SECISBP2L: variants seen among roughly 807,000 people sequenced by gnomAD.
SECISBP2L encodes selenocysteine insertion sequence-binding protein 2-like.
A neutral mutation model predicts 114.7 loss-of-function variants in SECISBP2L; 43 were observed. That is an observed-to-expected ratio of 0.38 (90% CI 0.29 to 0.48). The LOEUF (loss-of-function observed/expected upper bound fraction) is 0.48, where lower values mean the gene tolerates loss of function less well. Ranked by LOEUF, SECISBP2L falls within the 20% of genes least tolerant of loss-of-function variation. The pLI, the probability that SECISBP2L is intolerant of heterozygous loss-of-function variation, is 0.98. For synonymous variants in SECISBP2L, 451 were observed against 439.7 expected, an observed-to-expected ratio of 1.03 and a Z score of -0.32; for missense variants, 1,136 against 1,301.1, an observed-to-expected ratio of 0.87 and a Z score of 1.95.
intron 2 of SECISBP2L, among the ~76,000 whole-genome samples, chr15:49,036,190 C>T (rs2141085237): frequency 6.6e-6 from 1 of 152,308 alleles, no homozygotes; most frequent in African/African-American, 2.4e-5. Flanking sequence ...TCCTGGCTCC[C>T]CTCCTGGCAA....
intron 14 of SECISBP2L, among the ~76,000 whole-genome samples, chr15:49,001,398 C>A (rs559108370): frequency 1.3e-5 from 2 of 151,974 alleles, no homozygotes; most frequent in East Asian, 3.9e-4. Context: ...AAGGCACATA[C>A]TAAACACTCA....
At chr15:49,044,977 G>A (rs1055325664) in intron 1 of SECISBP2L, among the ~76,000 whole-genome samples, 7 of 152,128 alleles carry the variant, frequency 4.6e-5, no homozygotes, top group Non-Finnish European at 1.0e-4. Context: ...GTCAGGCTTT[G>A]AAATCTCAGG....
chr15:49,010,333 T>C (rs1252141761), intron 13 of SECISBP2L, among the ~76,000 whole-genome samples: 1 of 152,140 alleles, frequency 6.6e-6, no homozygotes, highest in Non-Finnish European at 1.5e-5. Flanking sequence ...CTCTCTCTTA[T>C]TTGGTCTTTG....
At chr15:49,003,442 C>G (rs1207142827) in intron 14 of SECISBP2L, among the ~76,000 whole-genome samples, 1 of 152,148 alleles carries the variant, frequency 6.6e-6, no homozygotes, top group Non-Finnish European at 1.5e-5. Context: ...CTTTCTCTTG[C>G]CTGATTGCCC....
In SECISBP2L at chr15:49,037,705, A is replaced by G. The variant is rs748524056; in HGVS notation, c.89T>C (p.Met30Thr). 1.9e-6 allele frequency: 3 copies of G among 1,613,660 alleles called. 1 individual carries two copies. The highest frequency in any genetic ancestry group is 2.2e-5 in the South Asian group (2 of 90,960). The change falls in exon 2 of 18, where the codon ATG (methionine) becomes ACG (threonine). Residue 30 changes from methionine (M) to threonine (T), a missense_variant. Coordinates refer to ENST00000559471, the MANE Select transcript of SECISBP2L (RefSeq NM_001193489.2). ...IPQKKSPDTF[M>T]IPMALPNDNG... ...ATCATTTGGGAGAGCCATAGGGATC[A>G]TAAATGTATCAGGACTCTTCTTCTG...
intron 3 of SECISBP2L, among the ~76,000 whole-genome samples, chr15:49,033,821 G>A (rs568399421): frequency 7.2e-5 from 11 of 152,198 alleles, no homozygotes; most frequent in South Asian, 4.2e-4. Context: ...GACAGAGACC[G>A]ACCCTGTCAA....
chr15:49,018,982 ACTGT>A (rs954093971), intron 8 of SECISBP2L, among the ~76,000 whole-genome samples: 4 of 152,234 alleles, frequency 2.6e-5, no homozygotes, highest in African/African-American at 9.6e-5. Context: ...TAGGATATGA[ACTGT>A]CTATCAGAGA....
intron 11 of SECISBP2L, among the ~76,000 whole-genome samples, chr15:49,015,112 A>G (rs945603384): frequency 1.1e-4 from 16 of 152,132 alleles, no homozygotes; most frequent in African/African-American, 3.6e-4. Flanking sequence ...AGGTACTCTC[A>G]TATTAATGTG....
In SECISBP2L at chr15:49,027,484, T is replaced by C. The variant is rs2141078818; in HGVS notation, c.920-4A>G. On this transcript the variant is annotated splice_region_variant and splice_polypyrimidine_tract_variant and intron_variant, in intron 6 of 17. Coordinates refer to ENST00000559471, the MANE Select transcript of SECISBP2L (RefSeq NM_001193489.2). ...ACATTGGACCAATTTACACCACCTA[T>C]AACAAATGAAATTTTAAATTATAAT... is the stretch of plus-strand genomic sequence containing the variant. The C allele has an allele frequency of 1.3e-6, 2 of 1,511,906 alleles. No individual in the cohort carries two copies. The highest frequency in any genetic ancestry group is 1.8e-6 in the Non-Finnish European group (2 of 1,109,736). 93.7% of individuals were successfully genotyped at this position (1,511,906 alleles called of 1,614,324 possible). A position where few individuals can be genotyped will look rare whatever the true frequency, so the allele number is the denominator to read the frequency against.
Position 49,009,392 on chromosome 15 carries a change from G to C in SECISBP2L, c.1865-14C>G, listed in dbSNP as rs1477885302. 6.3e-7 allele frequency: 1 copy of C among 1,596,030 alleles called. No homozygotes were observed. ...TTAGTCCAGTATCTGTGGAGATGTG[G>C]AGTGAAGGGAAAAAATTTAGAAACT... On this transcript the variant is annotated splice_polypyrimidine_tract_variant and intron_variant, in intron 13 of 17. Coordinates refer to ENST00000559471, the MANE Select transcript of SECISBP2L (RefSeq NM_001193489.2).
intron 14 of SECISBP2L, among the ~76,000 whole-genome samples, chr15:49,005,108 T>A (rs1313263521): frequency 6.6e-6 from 1 of 152,174 alleles, no homozygotes; most frequent in Non-Finnish European, 1.5e-5. Flanking sequence ...GGCAGGTGGA[T>A]CACCTGAGGT....
At chr15:49,046,193 C>T in intron 1 of SECISBP2L, 83 bp downstream of exon 1, 1 of 1,495,546 alleles carries the variant, frequency 6.7e-7, no homozygotes, top group Non-Finnish European at 9.0e-7. Context: ...CCCCGGTCCC[C>T]ACGTTCGGAG....
At chr15:49,045,054 T>C (rs1006794231) in intron 1 of SECISBP2L, among the ~76,000 whole-genome samples, 6 of 152,338 alleles carry the variant, frequency 3.9e-5, no homozygotes, top group Middle Eastern at 6.8e-3. Context: ...TACAGAATAC[T>C]TCTGGGTCAC....
intron 15 of SECISBP2L, among the ~76,000 whole-genome samples, chr15:49,000,591 A>T (rs1425424897): frequency 1.3e-4 from 20 of 152,250 alleles, no homozygotes; most frequent in Admixed American, 1.3e-3. Flanking sequence ...ATATTTGCCG[A>T]AGAAATGCAT....
intron 13 of SECISBP2L, among the ~76,000 whole-genome samples, chr15:49,010,124 GACACACAC>G (rs61663836): frequency 5.1e-4 from 71 of 138,828 alleles, no homozygotes; most frequent in African/African-American, 1.8e-3. Context: ...AACAGAGGCA[GACACACAC>G]ACACACACAC....
At position 48,990,041 on chromosome 15, in the gene SECISBP2L, T is replaced by A. The variant is rs1414255692; in HGVS notation, c.*2203A>T. ...ATTTGCTGGCAGAAGAGGTACTGCA[T>A]ATGCGAGAGCATTTACCGAACATAT... On this transcript the variant is annotated 3_prime_UTR_variant, in exon 18 of 18. Transcript: ENST00000559471. The A allele has an allele frequency of 6.5e-6, 1 of 152,684 alleles. No individual in the cohort carries two copies. Among genetic ancestry groups the A allele is most frequent in the Non-Finnish European group, 1.5e-5 (1 of 68,052 alleles). The allele number at this position is 152,684 out of a possible 1,614,324, so 9.5% of individuals were successfully genotyped here.
chr15:49,028,358 G>A, intron 5 of SECISBP2L, 95 bp downstream of exon 5: 1 of 1,188,698 alleles, frequency 8.4e-7, no homozygotes. Context: ...TACAGGAATT[G>A]CTAATGAAAA....
Position 49,046,368 on chromosome 15 carries a change from C to A in SECISBP2L, c.-69G>T, listed in dbSNP as rs1397221762. On this transcript the variant is annotated 5_prime_UTR_variant, in exon 1 of 18. Transcript: ENST00000559471. ...GCGCCTCGGGCCGCTTTCTCCATGG[C>A]CCCCCGCTCGGGTCCAGACTGGGTT... is the stretch of plus-strand genomic sequence containing the variant. 7.1e-6 allele frequency: 10 copies of A among 1,402,722 alleles called. No homozygotes were observed. The highest frequency in any genetic ancestry group is 6.6e-6 in the Non-Finnish European group (7 of 1,068,580). The allele number at this position is 1,402,722 out of a possible 1,614,324, so 86.9% of individuals were successfully genotyped here.
chr15:49,032,502 G>C (rs1902911363), intron 4 of SECISBP2L, among the ~76,000 whole-genome samples: 1 of 152,122 alleles, frequency 6.6e-6, no homozygotes, highest in African/African-American at 2.4e-5. Context: ...TGTTTAACAG[G>C]ATATACATGA....
Sources: gnomAD v4.1 joint callset for allele counts (sites outside exome capture counted in the v4.1 genomes callset) on GRCh38, gnomAD v4.1.1 for gene constraint, MANE v1.5 for transcripts, NCBI Gene and HGNC (gene_info 2026-07-23, HGNC 2026-07-21) for gene names.